DAB1: variants seen among roughly 807,000 people sequenced by gnomAD.
DAB1 encodes DAB adaptor protein 1, also known as disabled homolog 1.
In DAB1, 15 loss-of-function variants were observed where a neutral mutation model predicts 64.6. The observed-to-expected ratio is 0.23, with a 90% CI of 0.16 to 0.36. The LOEUF (loss-of-function observed/expected upper bound fraction) is 0.36, where lower values mean the gene tolerates loss of function less well. Ranked by LOEUF, DAB1 falls within the 10% of genes least tolerant of loss-of-function variation. The probability of loss-of-function intolerance (pLI) is 1.00; values close to 1 mark genes in which losing one functional copy is unlikely to be tolerated. For missense variants in DAB1, 596 were observed against 706.7 expected (o/e 0.84, Z 1.78); for synonymous variants, 235 against 251.9 (o/e 0.93, Z 0.64).
At chr1:57,937,355 G>C (rs936301408) in intron 5 of DAB1, among the ~76,000 whole-genome samples, 2 of 152,066 alleles carry the variant, frequency 1.3e-5, no homozygotes, top group African/African-American at 4.8e-5. Flanking sequence ...GAATCTCTTA[G>C]CTAGCATTCC....
intron 6 of DAB1, among the ~76,000 whole-genome samples, chr1:57,750,091 C>T (rs1648485822): frequency 6.6e-6 from 1 of 152,032 alleles, no homozygotes; most frequent in Non-Finnish European, 1.5e-5. Context: ...CAGTCAAGGC[C>T]CCACCTGATT....
At chr1:57,358,200 T>C (rs1237171402) in intron 1 of DAB1, among the ~76,000 whole-genome samples, 2 of 152,088 alleles carry the variant, frequency 1.3e-5, no homozygotes, top group East Asian at 1.9e-4. Context: ...ACAGAAGTGG[T>C]GAAAGTGGGC....
chr1:57,516,407 A>G (rs1644464018), intron 7 of DAB1, among the ~76,000 whole-genome samples: 1 of 152,220 alleles, frequency 6.6e-6, no homozygotes, highest in African/African-American at 2.4e-5. Context: ...ACTTTCTTGA[A>G]TCTCGAAATT....
intron 1 of DAB1, among the ~76,000 whole-genome samples, chr1:57,873,623 G>A (rs1442954167): frequency 1.3e-5 from 2 of 152,162 alleles, no homozygotes; most frequent in Non-Finnish European, 2.9e-5. Flanking sequence ...GCTGCCCAAT[G>A]TATAGCAAAG....
In DAB1 at chr1:58,300,544, A is replaced by AAAAG. The variant is rs71043285; in HGVS notation, n.309+42804_309+42807dup. Among the ~76,000 whole-genome samples the AAAAG allele has an allele frequency of 4.9e-4, 50 of 101,170 alleles. 1 individual carries two copies. The highest frequency in any genetic ancestry group is 7.8e-4 in the East Asian group (3 of 3,824). 66.4% of individuals were successfully genotyped at this position (101,170 alleles called of 152,430 possible). A position where few individuals can be genotyped will look rare whatever the true frequency, so the allele number is the denominator to read the frequency against. ...CCTGGGCAACAAAAGTGAAACTCTGAAAAGAAAGAAAGAAAGAAAGAAAGA... is the reference window on the plus strand; with the variant it reads ...CCTGGGCAACAAAAGTGAAACTCTGAAAAGAAAGAAAGAAAGAAAGAAAGAAAGA... On this transcript the variant is annotated intron_variant and non_coding_transcript_variant, in intron 4 of 20. Coordinates refer to the DAB1 transcript ENST00000485760.
chr1:57,793,226 T>C (rs185690412), intron 6 of DAB1, among the ~76,000 whole-genome samples: 5 of 152,326 alleles, frequency 3.3e-5, no homozygotes, highest in African/African-American at 4.8e-5. Flanking sequence ...TTTTTCCTAG[T>C]TGGGGAATCC....
chr1:57,740,509 A>T (rs1162589246), intron 6 of DAB1, among the ~76,000 whole-genome samples: 4 of 152,236 alleles, frequency 2.6e-5, no homozygotes, highest in Non-Finnish European at 1.5e-5. Flanking sequence ...CAAACATTAA[A>T]GTGTCCAGTT....
intron 1 of DAB1, among the ~76,000 whole-genome samples, chr1:57,836,162 T>C (rs1164890589): frequency 1.3e-5 from 2 of 152,226 alleles, no homozygotes; most frequent in Non-Finnish European, 2.9e-5. Context: ...TGAATATTTT[T>C]TCATTTAATC....
At chr1:57,404,661 G>GA (rs1252647648) in intron 1 of DAB1, among the ~76,000 whole-genome samples, 2 of 152,022 alleles carry the variant, frequency 1.3e-5, no homozygotes, top group Non-Finnish European at 2.9e-5. Context: ...AATACTGAAA[G>GA]AAAAATTCAT....
At chr1:58,132,342 A>G (rs891419233) in intron 5 of DAB1, among the ~76,000 whole-genome samples, 22 of 151,840 alleles carry the variant, frequency 1.4e-4, no homozygotes, top group African/African-American at 5.3e-4. Context: ...GCACCCACTG[A>G]CCTGCGCCCA....
At chr1:57,246,592 A>G (rs1668896591) in intron 2 of DAB1, among the ~76,000 whole-genome samples, 1 of 152,222 alleles carries the variant, frequency 6.6e-6, no homozygotes, top group Admixed American at 6.5e-5. Context: ...GTCCTCAATG[A>G]GACAATGCCT....
intron 6 of DAB1, among the ~76,000 whole-genome samples, chr1:57,733,741 G>T (rs921179365): frequency 6.6e-6 from 1 of 152,042 alleles, no homozygotes; most frequent in Non-Finnish European, 1.5e-5. Context: ...AGAGGATTAG[G>T]GTCTGAAGGA....
At chr1:57,830,472 G>A (rs1652537464) in intron 1 of DAB1, among the ~76,000 whole-genome samples, 1 of 152,138 alleles carries the variant, frequency 6.6e-6, no homozygotes, top group Non-Finnish European at 1.5e-5. Context: ...TTAAACCCAG[G>A]CAGCGTGACC....
At chr1:57,642,781 T>C (rs1278969211) in intron 7 of DAB1, among the ~76,000 whole-genome samples, 1 of 152,184 alleles carries the variant, frequency 6.6e-6, no homozygotes, top group Non-Finnish European at 1.5e-5. Context: ...TGTTAAATCT[T>C]TAGCAGAGAA....
intron 6 of DAB1, among the ~76,000 whole-genome samples, chr1:57,723,871 C>T (rs1647178371): frequency 6.6e-6 from 1 of 152,064 alleles, no homozygotes; most frequent in Non-Finnish European, 1.5e-5. Flanking sequence ...ATGAGTGAAG[C>T]AAAAACTATT....
At chr1:57,799,382 A>T (rs1316017967) in intron 6 of DAB1, among the ~76,000 whole-genome samples, 2 of 152,160 alleles carry the variant, frequency 1.3e-5, no homozygotes, top group Non-Finnish European at 2.9e-5. Flanking sequence ...GATGAAGTCC[A>T]TAAACTTTTG....
chr1:57,462,581 G>A (rs889646934), intron 7 of DAB1, among the ~76,000 whole-genome samples: 5 of 152,132 alleles, frequency 3.3e-5, no homozygotes, highest in Non-Finnish European at 7.3e-5. Context: ...ACTGCCAGGT[G>A]CTTTGCATGT....
In DAB1 at chr1:57,911,322, G is replaced by T. The variant is rs552900181; in HGVS notation, n.388-27160C>A. Among the ~76,000 whole-genome samples, 42 of 152,254 alleles carry T rather than the reference G, an allele frequency of 2.8e-4. 2 individuals are homozygous for T. In the South Asian group the frequency reaches 8.5e-3, roughly 31 times the overall value. On this transcript the variant is annotated intron_variant and non_coding_transcript_variant, in intron 5 of 20. Transcript: ENST00000485760. ...GTCTCTGCCTGGGACACCAAAATCT[G>T]CATTTCCCATATTCTCTTGCATGGT...
At chr1:57,401,721 C>T (rs924124934) in intron 1 of DAB1, among the ~76,000 whole-genome samples, 4 of 152,180 alleles carry the variant, frequency 2.6e-5, no homozygotes, top group Non-Finnish European at 5.9e-5. Flanking sequence ...TTCAAGGACA[C>T]ACAGATTTTC....
Sources: gnomAD v4.1 joint callset for allele counts (sites outside exome capture counted in the v4.1 genomes callset) on GRCh38, gnomAD v4.1.1 for gene constraint, MANE v1.5 for transcripts, NCBI Gene and HGNC (gene_info 2026-07-23, HGNC 2026-07-21) for gene names.